NDST4: variants seen among roughly 807,000 people sequenced by gnomAD.
NDST4 encodes N-deacetylase and N-sulfotransferase 4.
Under a neutral mutation model 100.8 loss-of-function variants are expected in NDST4, and 63 were observed. The ratio of observed to expected loss-of-function variants is 0.62; its 90% CI spans 0.51 to 0.77. The LOEUF (loss-of-function observed/expected upper bound fraction) is 0.77, where lower values mean the gene tolerates loss of function less well. Among genes scored for constraint, NDST4 ranks in the 30% least tolerant of loss-of-function variants. The pLI, the probability that NDST4 is intolerant of heterozygous loss-of-function variation, is 0.00. For synonymous variants in NDST4, 377 were observed against 361.8 expected, an observed-to-expected ratio of 1.04 and a Z score of -0.48; for missense variants, 943 against 1,018.4, an observed-to-expected ratio of 0.93 and a Z score of 1.01.
At chr4:114,828,911 A>G (rs1172829335) in intron 13 of NDST4, among the ~76,000 whole-genome samples, 1 of 152,192 alleles carries the variant, frequency 6.6e-6, no homozygotes, top group Non-Finnish European at 1.5e-5. Context: ...TCATCTTGGA[A>G]CGTTCACCAG....
intron 1 of NDST4, among the ~76,000 whole-genome samples, chr4:115,107,334 C>G (rs1357947815): frequency 6.6e-6 from 1 of 151,978 alleles, no homozygotes; most frequent in Non-Finnish European, 1.5e-5. Flanking sequence ...AGTTTTTTTA[C>G]TTTCCAGAGA....
chr4:115,028,739 T>C (rs1361473897), intron 2 of NDST4, among the ~76,000 whole-genome samples: 1 of 152,100 alleles, frequency 6.6e-6, no homozygotes, highest in Non-Finnish European at 1.5e-5. Flanking sequence ...AGTAGGTATT[T>C]GGAGCACTTA....
At position 115,081,205 on chromosome 4, in the gene NDST4, G is replaced by A. The variant is rs187835365; in HGVS notation, c.-246-3923C>T. On this transcript the variant is annotated intron_variant, in intron 1 of 13. Coordinates refer to ENST00000264363, the MANE Select transcript of NDST4 (RefSeq NM_022569.3). ...TATGTTCAGAGTTAGAAGAATGATA[G>A]ATACATATTACCACCATGGAAGACA... Among the ~76,000 whole-genome samples, 25 of 152,152 alleles carry A rather than the reference G, an allele frequency of 1.6e-4. No homozygotes were observed. The East Asian group carries it at 4.8e-3, about 29-fold the overall frequency.
At chr4:114,909,213 T>A (rs1446061807) in intron 6 of NDST4, among the ~76,000 whole-genome samples, 3 of 152,202 alleles carry the variant, frequency 2.0e-5, no homozygotes, top group Admixed American at 1.3e-4. Context: ...ATGACCAAGA[T>A]AATTAAAAAG....
intron 7 of NDST4, among the ~76,000 whole-genome samples, chr4:114,853,851 T>C (rs1578344621): frequency 6.6e-6 from 1 of 152,190 alleles, no homozygotes; most frequent in South Asian, 2.1e-4. Context: ...ACATAGTGGG[T>C]ATATACATTT....
chr4:114,885,088 A>G (rs1334456460), intron 6 of NDST4, among the ~76,000 whole-genome samples: 2 of 152,092 alleles, frequency 1.3e-5, no homozygotes, highest in Non-Finnish European at 2.9e-5. Context: ...CTAGTCTCAG[A>G]CTTTTTATTA....
chr4:114,970,717 A>G lies in NDST4; in HGVS notation c.1067-133T>C, dbSNP rs192336825. 21 of 760,604 alleles carry G rather than the reference A, an allele frequency of 2.8e-5. No individual in the cohort carries two copies. The African/African-American group carries it at 3.0e-4, about 11-fold the overall frequency. The allele number at this position is 760,604 out of a possible 1,614,324, so 47.1% of individuals were successfully genotyped here. On this transcript the variant is annotated intron_variant, in intron 3 of 13. Coordinates refer to ENST00000264363, the MANE Select transcript of NDST4 (RefSeq NM_022569.3). ...AATTCTGTGGGCTTTTTAAATCAGA[A>G]TAAAAGACCACAGTCTAAAATGAAT...
chr4:114,977,122 T>G, intron 3 of NDST4, 65 bp downstream of exon 3: 1 of 1,053,368 alleles, frequency 9.5e-7, no homozygotes, highest in Non-Finnish European at 1.4e-6. Context: ...CTACCACTTA[T>G]GAATCATTCA....
chr4:114,898,514 C>G (rs1167787243), intron 6 of NDST4, among the ~76,000 whole-genome samples: 1 of 152,088 alleles, frequency 6.6e-6, no homozygotes, highest in African/African-American at 2.4e-5. Context: ...CCTCCTCCTT[C>G]AATATTTTGT....
intron 8 of NDST4, among the ~76,000 whole-genome samples, chr4:114,848,688 C>G (rs1460364034): frequency 6.6e-6 from 1 of 152,194 alleles, no homozygotes; most frequent in Non-Finnish European, 1.5e-5. Context: ...CTGGCTCCAT[C>G]TTTATCATTA....
chr4:114,977,182 C>T lies in NDST4; in HGVS notation c.1066+5G>A. On this transcript the variant is annotated splice_donor_5th_base_variant and intron_variant, in intron 3 of 13. Transcript: ENST00000264363. The stretch of plus-strand genomic sequence containing the variant: ...GCTGCCTGAGAACACAAAGCTCCTT[C>T]TTACCTGTGTGGTAAAACTTCCCTG... 8 of 1,578,822 alleles carry T rather than the reference C, an allele frequency of 5.1e-6. No homozygotes were observed. The highest frequency in any genetic ancestry group is 6.9e-6 in the Non-Finnish European group (8 of 1,151,366).
intron 2 of NDST4, among the ~76,000 whole-genome samples, chr4:115,051,232 C>G (rs1728575480): frequency 6.6e-6 from 1 of 151,812 alleles, no homozygotes; most frequent in Non-Finnish European, 1.5e-5. Flanking sequence ...ATTTCAGTGT[C>G]TTCATCTCGT....
intron 2 of NDST4, among the ~76,000 whole-genome samples, chr4:115,047,429 A>G (rs1250612231): frequency 2.0e-5 from 3 of 152,172 alleles, no homozygotes; most frequent in Non-Finnish European, 4.4e-5. Context: ...GCCCTGGTAC[A>G]TGAAAATATT....
intron 1 of NDST4, among the ~76,000 whole-genome samples, chr4:115,113,070 C>T (rs1729985806): frequency 6.6e-6 from 1 of 151,854 alleles, no homozygotes; most frequent in African/African-American, 2.4e-5. Context: ...ATTTATAACC[C>T]TACAGTTAAC....
At chr4:114,857,138 C>A (rs942841423) in intron 7 of NDST4, among the ~76,000 whole-genome samples, 2 of 152,142 alleles carry the variant, frequency 1.3e-5, no homozygotes, top group African/African-American at 2.4e-5. Context: ...TGTGGAATAT[C>A]TGGCAAGTAC....
At chr4:114,839,597 G>A (rs1218981647) in intron 10 of NDST4, 49 bp from the exon 11 acceptor site, 4 of 1,571,924 alleles carry the variant, frequency 2.5e-6, no homozygotes. Context: ...TAATGCCTGT[G>A]TAGATATGCA....
At chr4:115,101,720 G>C (rs192448701) in intron 1 of NDST4, among the ~76,000 whole-genome samples, 45 of 152,200 alleles carry the variant, frequency 3.0e-4, no homozygotes, top group African/African-American at 1.0e-3. Flanking sequence ...AAACAAAGTG[G>C]TGGTGAAGAA....
chr4:114,893,588 G>GTT (rs527341778), intron 6 of NDST4, among the ~76,000 whole-genome samples: 2 of 147,700 alleles, frequency 1.4e-5, no homozygotes, highest in African/African-American at 5.0e-5. Context: ...TTTCTGATGT[G>GTT]TTTTTTTTTT....
chr4:114,970,723 G>A (rs1726494527), intron 3 of NDST4, 139 bp from the exon 4 acceptor site: 2 of 741,164 alleles, frequency 2.7e-6, no homozygotes. Flanking sequence ...CAGAATAAAA[G>A]ACCACAGTCT....
Sources: allele counts gnomAD v4.1 joint callset (sites outside exome capture counted in the v4.1 genomes callset), GRCh38; gene constraint gnomAD v4.1.1; transcripts MANE v1.5; gene names NCBI Gene and HGNC (gene_info 2026-07-23, HGNC 2026-07-21).